The following CTNNA3 variants were observed in gnomAD, a reference collection of about 807,000 sequenced individuals.
The protein encoded by CTNNA3 is catenin alpha 3.
A neutral mutation model predicts 95.7 loss-of-function variants in CTNNA3; 76 were observed. The ratio of observed to expected loss-of-function variants is 0.79; its 90% CI spans 0.66 to 0.96. The LOEUF (loss-of-function observed/expected upper bound fraction) is 0.96. Ranked by LOEUF, CTNNA3 falls within the 40% of genes least tolerant of loss-of-function variation. The pLI is 0.00. For synonymous variants in CTNNA3, 431 were observed against 374.4 expected (o/e 1.15, Z -1.74); for missense variants, 1,191 against 1,089.8 (o/e 1.09, Z -1.31).
chr10:65,920,379 ATT>A lies in CTNNA3; in HGVS notation c.2637_2638del (p.Lys879AsnfsTer9). 4 of 1,613,958 alleles carry A rather than the reference ATT, an allele frequency of 2.5e-6. No individual in the cohort carries two copies. Among genetic ancestry groups the A allele is most frequent in the African/African-American group, 1.3e-5 (1 of 74,962 alleles). On this transcript the variant is annotated frameshift_variant, in exon 18 of 18. Transcript: ENST00000433211. LOFTEE classifies it high-confidence loss of function. ...TTCACTCATGACTTGCAATGGATGG[ATT>A]TTTTTCTTTGCTGAGCCTCGTCTGA... is the stretch of plus-strand genomic sequence containing the variant.
intron 11 of CTNNA3, among the ~76,000 whole-genome samples, chr10:66,414,973 G>A (rs2093134965): frequency 6.6e-6 from 1 of 152,094 alleles, no homozygotes; most frequent in Non-Finnish European, 1.5e-5. Context: ...GCTGAGCAAG[G>A]GTGCCACCAA....
rs139979842 is a variant in CTNNA3 at position 66,590,217 on chromosome 10, AC to A, written c.1374+31474del. Among the ~76,000 whole-genome samples the A allele has an allele frequency of 2.2e-3, 337 of 152,194 alleles. 2 individuals carry two copies. The highest frequency in any genetic ancestry group is 7.3e-3 in the African/African-American group (303 of 41,558). On this transcript the variant is annotated intron_variant, in intron 10 of 17. Coordinates refer to ENST00000433211, the MANE Select transcript of CTNNA3 (RefSeq NM_013266.4). ...AATATTAGACATCTAGTCCAAATCT[AC>A]CCACTTACAAAGGAGGGACTGAAGA...
rs1240882025 is a variant in CTNNA3 at position 67,124,373 on chromosome 10, T to TGTGG, written c.1047+55943_1047+55944insCCAC. ...GTGTGTGTGTGTGTGTGTGTGTGTG[T>TGTGG]GGTCTATAAATGACTGTGGAAGGTT... On this transcript the variant is annotated intron_variant, in intron 7 of 17. Transcript: ENST00000433211. 3.2e-3 allele frequency among the ~76,000 whole-genome samples: 454 copies of TGTGG among 143,596 alleles called. 1 individual carries two copies. The highest frequency in any genetic ancestry group is 0.011 in the African/African-American group (438 of 38,602). 94.2% of individuals were successfully genotyped at this position (143,596 alleles called of 152,430 possible).
At chr10:66,633,418 C>T (rs545281166) in intron 9 of CTNNA3, among the ~76,000 whole-genome samples, 26 of 152,258 alleles carry the variant, frequency 1.7e-4, no homozygotes, top group Admixed American at 6.5e-4. Flanking sequence ...CAGTGGCTCA[C>T]GCCTGTAATC....
rs148258873 is a variant in CTNNA3, at chr10:65,914,945, A to G, written c.*5385T>C. The G allele has an allele frequency of 2.7e-3, 411 of 152,292 alleles. 4 individuals are homozygous for G. Among genetic ancestry groups the G allele is most frequent in the African/African-American group, 9.4e-3 (389 of 41,558 alleles). 9.4% of individuals were successfully genotyped at this position (152,292 alleles called of 1,614,324 possible). A position where few individuals can be genotyped will look rare whatever the true frequency, so the allele number is the denominator to read the frequency against. ...AGACTTTGAGCAAGATTCTTATCCC[A>G]TTTAACCCTCAGCTTCCTTGTCTGT... is the stretch of plus-strand genomic sequence containing the variant. On this transcript the variant is annotated 3_prime_UTR_variant, in exon 18 of 18. Transcript: ENST00000433211.
intron 9 of CTNNA3, among the ~76,000 whole-genome samples, chr10:66,632,795 T>A (rs1240239515): frequency 6.6e-6 from 1 of 151,936 alleles, no homozygotes; most frequent in Non-Finnish European, 1.5e-5. Flanking sequence ...AGGCAAAACT[T>A]TGTTTTTATA....
intron 16 of CTNNA3, among the ~76,000 whole-genome samples, chr10:65,970,104 C>G (rs1490012537): frequency 6.6e-6 from 1 of 152,148 alleles, no homozygotes; most frequent in South Asian, 2.1e-4. Context: ...TAAGCCGAGA[C>G]AGATTGGAGG....
chr10:66,425,196 A>C (rs1205285552), intron 11 of CTNNA3, among the ~76,000 whole-genome samples: 1 of 151,992 alleles, frequency 6.6e-6, no homozygotes, highest in Non-Finnish European at 1.5e-5. Context: ...TTTGCATAGT[A>C]TATCTATATT....
At chr10:66,652,479 G>C (rs1030534771) in intron 9 of CTNNA3, among the ~76,000 whole-genome samples, 2 of 151,948 alleles carry the variant, frequency 1.3e-5, no homozygotes, top group African/African-American at 4.8e-5. Flanking sequence ...TAATGAGTAA[G>C]AAGATTAAAT....
rs1426151454 is a variant in CTNNA3, at chr10:66,333,063, C to T, written c.1732+46089G>A. ...ATGGTAGTTTGTATTTCTGTGGGAT[C>T]GGTGGTGATATCCCCTTTATCATTT... On this transcript the variant is annotated intron_variant, in intron 12 of 17. Transcript: ENST00000433211. Among the ~76,000 whole-genome samples the T allele has an allele frequency of 4.6e-5, 7 of 151,952 alleles. No individual in the cohort carries two copies. In the East Asian group the frequency reaches 5.8e-4, roughly 13 times the overall value.
intron 5 of CTNNA3, among the ~76,000 whole-genome samples, chr10:67,301,759 G>C (rs1840284295): frequency 6.6e-6 from 1 of 152,094 alleles, no homozygotes; most frequent in Non-Finnish European, 1.5e-5. Context: ...ACGAGGTCAG[G>C]AGATGGAGAC....
At chr10:67,037,777 C>A (rs1326892209) in intron 7 of CTNNA3, among the ~76,000 whole-genome samples, 2 of 152,044 alleles carry the variant, frequency 1.3e-5, no homozygotes, top group African/African-American at 2.4e-5. Flanking sequence ...TTAACTTGAA[C>A]AAATACATGG....
intron 5 of CTNNA3, among the ~76,000 whole-genome samples, chr10:67,283,312 G>A (rs2132447886): frequency 6.6e-6 from 1 of 152,342 alleles, no homozygotes; most frequent in Non-Finnish European, 1.5e-5. Context: ...CCAATAGACA[G>A]ATAACATCTG....
chr10:66,569,728 A>G (rs919784132), intron 10 of CTNNA3, among the ~76,000 whole-genome samples: 1 of 152,146 alleles, frequency 6.6e-6, no homozygotes, highest in African/African-American at 2.4e-5. Flanking sequence ...GTCAGCTATT[A>G]TCTACACTGA....
intron 13 of CTNNA3, among the ~76,000 whole-genome samples, chr10:66,140,417 G>A (rs914600388): frequency 2.0e-5 from 3 of 152,084 alleles, no homozygotes; most frequent in Admixed American, 6.6e-5. Flanking sequence ...AACAATCCAC[G>A]AGCAAAGTAG....
chr10:66,875,789 A>G (rs753891800), intron 7 of CTNNA3, among the ~76,000 whole-genome samples: 4 of 152,172 alleles, frequency 2.6e-5, no homozygotes, highest in Non-Finnish European at 5.9e-5. Context: ...AAAGAGTAGT[A>G]AAAAGAAGCA....
At chr10:66,663,541 A>C (rs902723498) in intron 9 of CTNNA3, among the ~76,000 whole-genome samples, 5 of 151,764 alleles carry the variant, frequency 3.3e-5, no homozygotes, top group African/African-American at 1.2e-4. Context: ...ACCTAGGCTT[A>C]AGACCACCTG....
Position 66,331,423 on chromosome 10 carries a change from G to A in CTNNA3, c.1732+47729C>T, listed in dbSNP as rs1425546707. 1.4e-4 allele frequency among the ~76,000 whole-genome samples: 18 copies of A among 124,580 alleles called. 1 individual carries two copies. Among genetic ancestry groups the A allele is most frequent in the East Asian group, 1.3e-3 (5 of 3,870 alleles). 81.7% of individuals were successfully genotyped at this position (124,580 alleles called of 152,430 possible). On this transcript the variant is annotated intron_variant, in intron 12 of 17. Coordinates refer to ENST00000433211, the MANE Select transcript of CTNNA3 (RefSeq NM_013266.4). ...GGCTGGAGTGCAGTGGCGCGATCTCGACTCACTGCAAGCTCCGCCTCCCGG... is the reference window on the plus strand; with the variant it reads ...GGCTGGAGTGCAGTGGCGCGATCTCAACTCACTGCAAGCTCCGCCTCCCGG...
At chr10:66,042,388 A>G (rs2079713506) in intron 15 of CTNNA3, among the ~76,000 whole-genome samples, 1 of 152,202 alleles carries the variant, frequency 6.6e-6, no homozygotes, top group African/African-American at 2.4e-5. Context: ...AAAACTCAAT[A>G]AATACTTATA....
Sources: allele counts gnomAD v4.1 joint callset (sites outside exome capture counted in the v4.1 genomes callset), GRCh38; gene constraint gnomAD v4.1.1; transcripts MANE v1.5; gene names NCBI Gene and HGNC (gene_info 2026-07-23, HGNC 2026-07-21).